ITGA9: variants seen among roughly 807,000 people sequenced by gnomAD.
ITGA9 encodes integrin alpha-9.
In ITGA9, 56 loss-of-function variants were observed where a neutral mutation model predicts 127.8. The observed-to-expected ratio is 0.44, with a 90% confidence interval of 0.35 to 0.55. The LOEUF (loss-of-function observed/expected upper bound fraction) is 0.55. Among genes scored for constraint, ITGA9 ranks in the 20% least tolerant of loss-of-function variants. ITGA9 has a pLI of 0.00. For missense variants in ITGA9, 1,196 were observed against 1,347.1 expected (o/e 0.89, Z 1.76); for synonymous variants, 508 against 514.5 (o/e 0.99, Z 0.17).
intron 25 of ITGA9, among the ~76,000 whole-genome samples, chr3:37,782,868 A>G (rs1282088928): frequency 6.6e-6 from 1 of 152,218 alleles, no homozygotes; most frequent in African/African-American, 2.4e-5. Flanking sequence ...AGCCGGGCGC[A>G]GTGGCTCACG....
chr3:37,648,693 G>A (rs993355561), intron 16 of ITGA9, among the ~76,000 whole-genome samples: 1 of 151,976 alleles, frequency 6.6e-6, no homozygotes, highest in Non-Finnish European at 1.5e-5. Context: ...GTAAACCTGT[G>A]CTTCTCAAGT....
chr3:37,755,302 C>T (rs1419805672), intron 23 of ITGA9, among the ~76,000 whole-genome samples: 4 of 152,110 alleles, frequency 2.6e-5, no homozygotes, highest in Admixed American at 6.5e-5. Context: ...GCACACTGCT[C>T]CTGAAAGTGC....
chr3:37,454,157 G>A (rs970154335), intron 1 of ITGA9, among the ~76,000 whole-genome samples: 3 of 152,348 alleles, frequency 2.0e-5, no homozygotes, highest in East Asian at 3.9e-4. Flanking sequence ...AGGCAGCCAA[G>A]CCAGCCGGAG....
At chr3:37,604,374 C>A (rs189734705) in intron 15 of ITGA9, among the ~76,000 whole-genome samples, 9 of 152,342 alleles carry the variant, frequency 5.9e-5, no homozygotes, top group Admixed American at 4.6e-4. Context: ...AACTCAATTA[C>A]AGAGATAGAT....
chr3:37,609,318 C>G (rs1699996969), intron 15 of ITGA9, among the ~76,000 whole-genome samples: 1 of 152,162 alleles, frequency 6.6e-6, no homozygotes, highest in African/African-American at 2.4e-5. Context: ...GAACTATTTG[C>G]AAACAGGTCT....
chr3:37,759,588 A>G (rs1696698713), intron 23 of ITGA9, among the ~76,000 whole-genome samples: 2 of 152,220 alleles, frequency 1.3e-5, no homozygotes, highest in African/African-American at 4.8e-5. Flanking sequence ...ATAAGAACCA[A>G]GGGGAAATTC....
rs192891263 is a variant in ITGA9, at chr3:37,602,560, T to A, written c.1690-26627T>A. 2.5e-3 allele frequency among the ~76,000 whole-genome samples: 374 copies of A among 152,334 alleles called. 1 individual carries two copies. The highest frequency in any genetic ancestry group is 8.5e-3 in the African/African-American group (352 of 41,582). On this transcript the variant is annotated intron_variant, in intron 15 of 27. Transcript: ENST00000264741. The stretch of plus-strand genomic sequence containing the variant: ...CTTAAAGGATTCATTTGAATTTTTT[T>A]ATTTATTTTTATTAAATCAGATATA...
At chr3:37,466,667 C>T (rs1698376345) in intron 1 of ITGA9, among the ~76,000 whole-genome samples, 2 of 152,086 alleles carry the variant, frequency 1.3e-5, no homozygotes, top group African/African-American at 4.8e-5. Context: ...TATCAATCAC[C>T]TGGAGAGCTT....
rs758842728 is a variant in ITGA9 at position 37,803,882 on chromosome 3, C to T, written c.2949C>T (p.Ile983=). Residue 983 remains isoleucine, a synonymous_variant, in exon 27 of 28, where the codon ATC becomes ATT. Coordinates refer to ENST00000264741, the MANE Select transcript of ITGA9 (RefSeq NM_002207.3). ...GTGGCTACGTCGTGGGGTGGATCAT[C>T]GCCATCAGTTTGTTGGTGGGAATCC... ...EPRGYVVGWI[I]AISLLVGILI... 10 of 1,614,066 alleles carry T rather than the reference C, an allele frequency of 6.2e-6. No individual in the cohort carries two copies. Among genetic ancestry groups the T allele is most frequent in the East Asian group, 2.2e-5 (1 of 44,894 alleles).
chr3:37,703,840 T>G (rs1344995962), intron 18 of ITGA9, among the ~76,000 whole-genome samples: 1 of 152,160 alleles, frequency 6.6e-6, no homozygotes, highest in Non-Finnish European at 1.5e-5. Context: ...AGTTACCATC[T>G]CAGTTTTCCT....
chr3:37,806,953 C>G lies in ITGA9; in HGVS notation c.3009+3011C>G, dbSNP rs958599281. 1 of 152,172 alleles carries G rather than the reference C, an allele frequency of 6.6e-6. No homozygotes were observed. Among genetic ancestry groups the G allele is most frequent in the Non-Finnish European group, 1.5e-5 (1 of 68,048 alleles). 9.4% of individuals were successfully genotyped at this position (152,172 alleles called of 1,614,324 possible). A position where few individuals can be genotyped will look rare whatever the true frequency, so the allele number is the denominator to read the frequency against. On this transcript the variant is annotated intron_variant, in intron 27 of 27. Coordinates refer to ENST00000264741, the MANE Select transcript of ITGA9 (RefSeq NM_002207.3). This position sits in a 1 kb window ranked among gnomAD's most constrained non-coding sequence, Gnocchi z 4.3. ...AACTGTGCCCTTCCCTGCACTTGAC[C>G]GCCTCACCACCTAGCAATAGACCTG...
intron 5 of ITGA9, among the ~76,000 whole-genome samples, chr3:37,500,736 T>G (rs1359514963): frequency 6.6e-6 from 1 of 152,196 alleles, no homozygotes; most frequent in Non-Finnish European, 1.5e-5. Flanking sequence ...TGCCAGTGCG[T>G]GGGCTCGTCT....
chr3:37,651,554 C>T (rs1261887265), intron 16 of ITGA9, among the ~76,000 whole-genome samples: 2 of 152,192 alleles, frequency 1.3e-5, no homozygotes, highest in African/African-American at 2.4e-5. Flanking sequence ...AGTACAGTGC[C>T]CCCTGCAATC....
intron 1 of ITGA9, among the ~76,000 whole-genome samples, chr3:37,457,633 G>A (rs1161179569): frequency 6.6e-6 from 1 of 152,134 alleles, no homozygotes; most frequent in East Asian, 1.9e-4. Flanking sequence ...CATTGTTCCT[G>A]GTCCTCACTC....
intron 15 of ITGA9, among the ~76,000 whole-genome samples, chr3:37,620,159 T>C (rs1207924717): frequency 1.4e-4 from 21 of 152,230 alleles, no homozygotes; most frequent in Admixed American, 1.4e-3. Flanking sequence ...GAGAAGATTA[T>C]ACAGGGGCAT....
At chr3:37,711,023 C>G (rs976103231) in intron 18 of ITGA9, among the ~76,000 whole-genome samples, 4 of 152,158 alleles carry the variant, frequency 2.6e-5, no homozygotes, top group Non-Finnish European at 4.4e-5. Context: ...GGTTCTGGCT[C>G]GAGGTCTCTT....
At chr3:37,645,631 T>G (rs1296400068) in intron 16 of ITGA9, among the ~76,000 whole-genome samples, 1 of 152,196 alleles carries the variant, frequency 6.6e-6, no homozygotes, top group Non-Finnish European at 1.5e-5. Context: ...GGTGTGGGAT[T>G]ATTCAGTCCA....
chr3:37,658,648 G>A (rs1700502810), intron 17 of ITGA9, among the ~76,000 whole-genome samples: 2 of 152,154 alleles, frequency 1.3e-5, no homozygotes, highest in African/African-American at 4.8e-5. Context: ...CAATTTGCCA[G>A]TCTGTGTCTT....
At chr3:37,702,541 G>A (rs766913218) in intron 18 of ITGA9, among the ~76,000 whole-genome samples, 2 of 151,978 alleles carry the variant, frequency 1.3e-5, no homozygotes, top group African/African-American at 4.8e-5. Context: ...GCTCTGTTCT[G>A]TTTGCAGTGA....
Sources: gnomAD v4.1 joint callset for allele counts (sites outside exome capture counted in the v4.1 genomes callset) on GRCh38, gnomAD v4.1.1 for gene constraint, Gnocchi (gnomAD v3.1) non-coding constraint, MANE v1.5 for transcripts, NCBI Gene and HGNC (gene_info 2026-07-23, HGNC 2026-07-21) for gene names.